The following CBFA2T2 variants were observed in gnomAD, a reference collection of about 807,000 sequenced individuals.
The protein encoded by CBFA2T2 is protein CBFA2T2.
A neutral mutation model predicts 62.2 loss-of-function variants in CBFA2T2; 11 were observed. The observed-to-expected ratio is 0.18, with a 90% CI of 0.11 to 0.29. The LOEUF (loss-of-function observed/expected upper bound fraction) is 0.29. Among genes scored for constraint, CBFA2T2 ranks in the 10% least tolerant of loss-of-function variants. The pLI, the probability that CBFA2T2 is intolerant of heterozygous loss-of-function variation, is 1.00. For synonymous variants in CBFA2T2, 295 were observed against 287.5 expected (o/e 1.03, Z -0.27); for missense variants, 592 against 774.1 (o/e 0.76, Z 2.79).
At chr20:33,637,111 C>G (rs535977857) in intron 9 of CBFA2T2, among the ~76,000 whole-genome samples, 2 of 152,312 alleles carry the variant, frequency 1.3e-5, no homozygotes, top group Admixed American at 1.3e-4. Flanking sequence ...GCTCTGTAAT[C>G]CCCCTGTGCT....
chr20:33,497,173 T>C (rs1242035356), intron 1 of CBFA2T2, among the ~76,000 whole-genome samples: 1 of 147,714 alleles, frequency 6.8e-6, no homozygotes, highest in Non-Finnish European at 1.5e-5. Flanking sequence ...CTCAGGAGGC[T>C]GAGGCAGGAG....
chr20:33,537,160 G>C (rs1465364041), intron 1 of CBFA2T2, among the ~76,000 whole-genome samples: 2 of 152,238 alleles, frequency 1.3e-5, no homozygotes, highest in African/African-American at 2.4e-5. Flanking sequence ...AGGTTGTAGC[G>C]AGCCGAGATC....
intron 6 of CBFA2T2, among the ~76,000 whole-genome samples, chr20:33,626,601 T>G (rs997864730): frequency 1.3e-4 from 20 of 152,214 alleles, no homozygotes; most frequent in African/African-American, 4.6e-4. Context: ...AGCATAAGGT[T>G]TTTTGGAGTA....
intron 1 of CBFA2T2, among the ~76,000 whole-genome samples, chr20:33,550,674 G>A (rs1288363244): frequency 6.6e-6 from 1 of 151,980 alleles, no homozygotes; most frequent in African/African-American, 2.4e-5. Flanking sequence ...CCAGGCTGGA[G>A]TGAAGTGGTG....
chr20:33,581,687 C>T (rs1159530650), intron 1 of CBFA2T2, among the ~76,000 whole-genome samples: 2 of 152,096 alleles, frequency 1.3e-5, no homozygotes, highest in African/African-American at 2.4e-5. Context: ...GGATTTTAAC[C>T]ACATGTGATT....
At chr20:33,537,924 C>T (rs2012310350) in intron 1 of CBFA2T2, among the ~76,000 whole-genome samples, 1 of 151,266 alleles carries the variant, frequency 6.6e-6, no homozygotes, top group South Asian at 2.1e-4. Context: ...TAGCTATATT[C>T]GTTTTCAAAG....
chr20:33,570,615 A>G (rs761961794), intron 1 of CBFA2T2, among the ~76,000 whole-genome samples: 3 of 152,130 alleles, frequency 2.0e-5, no homozygotes, highest in Non-Finnish European at 4.4e-5. Flanking sequence ...TGCTATAGAT[A>G]TTGTCGTCTT....
At chr20:33,505,782 CA>C (rs1052439648) in intron 1 of CBFA2T2, among the ~76,000 whole-genome samples, 84 of 138,938 alleles carry the variant, frequency 6.0e-4, no homozygotes, top group Admixed American at 4.3e-4. Flanking sequence ...ACTCTTGTTT[CA>C]AAAAAAAAAA....
chr20:33,622,301 G>A (rs1028209140), intron 4 of CBFA2T2, among the ~76,000 whole-genome samples: 1 of 152,148 alleles, frequency 6.6e-6, no homozygotes, highest in Non-Finnish European at 1.5e-5. Context: ...TCAGTGAAGG[G>A]ATGGCTACTT....
At chr20:33,596,319 C>T (rs1052467013) in intron 1 of CBFA2T2, among the ~76,000 whole-genome samples, 1 of 152,064 alleles carries the variant, frequency 6.6e-6, no homozygotes, top group Non-Finnish European at 1.5e-5. Context: ...TACTTGTTCT[C>T]ACCTTCATTG....
intron 1 of CBFA2T2, among the ~76,000 whole-genome samples, chr20:33,593,867 C>T (rs2014773310): frequency 6.6e-6 from 1 of 152,192 alleles, no homozygotes; most frequent in African/African-American, 2.4e-5. Context: ...CCACACATAT[C>T]CCAAAGGGTC....
intron 1 of CBFA2T2, among the ~76,000 whole-genome samples, chr20:33,573,234 T>C (rs894133233): frequency 4.6e-5 from 7 of 152,140 alleles, no homozygotes; most frequent in African/African-American, 1.7e-4. Flanking sequence ...TAATAAGTAA[T>C]ATATATGTAG....
intron 8 of CBFA2T2, among the ~76,000 whole-genome samples, chr20:33,634,410 G>A (rs996009058): frequency 2.6e-5 from 4 of 152,114 alleles, no homozygotes; most frequent in Non-Finnish European, 4.4e-5. Flanking sequence ...GGTGGCTGAC[G>A]CCAGTAATCC....
At chr20:33,557,004 CTTTTTTTTTTTTTTTT>C (rs751836572) in intron 1 of CBFA2T2, among the ~76,000 whole-genome samples, 3 of 46,200 alleles carry the variant, frequency 6.5e-5, no homozygotes, top group Admixed American at 5.9e-4. Flanking sequence ...GCATGCTTAT[CTTTTTTTTTTTTTTTT>C]TTTTTTTTTT....
At position 33,624,953 on chromosome 20, in the gene CBFA2T2, C is replaced by T. The variant is rs1318852482; in HGVS notation, c.882C>T (p.His294=). Residue 294 remains histidine (H), a synonymous_variant, in exon 6 of 11, where the codon CAC becomes CAT. Transcript: ENST00000342704. ...HYTLEDIATS[H]LYREPNKMLE... is the part of the protein sequence containing the mutation. The stretch of plus-strand genomic sequence containing the variant: ...CCTTAGAGGATATTGCAACTTCTCA[C>T]CTGTATCGGGAACCCAACAAGATGC... The T allele has an allele frequency of 6.2e-6, 10 of 1,614,002 alleles. No homozygotes were observed. Among genetic ancestry groups the T allele is most frequent in the Admixed American group, 3.3e-5 (2 of 59,998 alleles).
chr20:33,496,673 A>G (rs939486848), intron 1 of CBFA2T2, among the ~76,000 whole-genome samples: 6 of 152,214 alleles, frequency 3.9e-5, no homozygotes, highest in Non-Finnish European at 7.3e-5. Context: ...AAAAGGGGTA[A>G]GAATGATCAT....
chr20:33,632,706 C>T (rs754480106), intron 8 of CBFA2T2, among the ~76,000 whole-genome samples: 8 of 151,848 alleles, frequency 5.3e-5, no homozygotes, highest in African/African-American at 1.9e-4. Flanking sequence ...CTCGTCCTCC[C>T]GAAGTGCTGG....
At chr20:33,549,877 T>C (rs2012688098) in intron 1 of CBFA2T2, among the ~76,000 whole-genome samples, 1 of 151,516 alleles carries the variant, frequency 6.6e-6, no homozygotes, top group Admixed American at 6.6e-5. Context: ...TTTTTTTTTT[T>C]TTTTCTCTAA....
At chr20:33,540,061 A>G (rs2012370818) in intron 1 of CBFA2T2, among the ~76,000 whole-genome samples, 1 of 152,164 alleles carries the variant, frequency 6.6e-6, no homozygotes, top group Non-Finnish European at 1.5e-5. Context: ...TTTTTGTTTG[A>G]TTAAAAGTAG....
Sources: allele counts gnomAD v4.1 joint callset (sites outside exome capture counted in the v4.1 genomes callset), GRCh38; gene constraint gnomAD v4.1.1; transcripts MANE v1.5; gene names NCBI Gene and HGNC (gene_info 2026-07-23, HGNC 2026-07-21).